The following CALN1 variants were observed in gnomAD, a reference collection of about 807,000 sequenced individuals.
The protein encoded by CALN1 is calcium-binding protein 8.
A neutral mutation model predicts 30.6 loss-of-function variants in CALN1; 17 were observed. The ratio of observed to expected loss-of-function variants is 0.56; its 90% CI spans 0.38 to 0.83. The LOEUF is 0.83. Among genes scored for constraint, CALN1 ranks in the 40% least tolerant of loss-of-function variants. CALN1 has a pLI of 0.00. For synonymous variants in CALN1, 156 were observed against 131.4 expected, an observed-to-expected ratio of 1.19 and a Z score of -1.28; for missense variants, 291 against 354.9, an observed-to-expected ratio of 0.82 and a Z score of 1.45.
intron 5 of CALN1, among the ~76,000 whole-genome samples, chr7:71,999,480 T>C (rs1799417305): frequency 6.6e-6 from 1 of 151,642 alleles, no homozygotes. Flanking sequence ...AGGATCTAGC[T>C]CATATACACA....
intron 2 of CALN1, among the ~76,000 whole-genome samples, chr7:72,343,695 T>C (rs1802485325): frequency 6.6e-6 from 1 of 152,162 alleles, no homozygotes. Context: ...ACAGGTTAAT[T>C]GAAGAAGAAG....
chr7:72,403,376 T>A lies in CALN1; in HGVS notation c.-7A>T. ...GTTGCTCTGGCAGCCGCATCGGGGG[T>A]CCAGGGCGATGTTCTCAGAGAGAGT... On this transcript the variant is annotated 5_prime_UTR_variant, in exon 2 of 7. Coordinates refer to ENST00000395275, the MANE Select transcript of CALN1 (RefSeq NM_031468.4). The A allele has an allele frequency of 6.5e-7, 1 of 1,540,926 alleles. No individual in the cohort carries two copies. Among genetic ancestry groups the A allele is most frequent in the South Asian group, 1.2e-5 (1 of 83,790 alleles).
intron 2 of CALN1, among the ~76,000 whole-genome samples, chr7:72,310,650 T>C (rs1010072193): frequency 6.6e-6 from 1 of 151,850 alleles, no homozygotes; most frequent in Admixed American, 6.6e-5. Context: ...ATGCCTATAA[T>C]CCCAGCACTT....
chr7:72,105,924 C>T (rs2129541252), intron 4 of CALN1, among the ~76,000 whole-genome samples: 1 of 151,972 alleles, frequency 6.6e-6, no homozygotes, highest in Middle Eastern at 3.4e-3. Context: ...GTTCCACCAG[C>T]CAGGCCTCTT....
At chr7:72,100,395 C>A (rs1038389553) in intron 4 of CALN1, among the ~76,000 whole-genome samples, 11 of 151,968 alleles carry the variant, frequency 7.2e-5, no homozygotes, top group Non-Finnish European at 1.3e-4. Flanking sequence ...TTGCCCAGAC[C>A]GGTCTTAAAT....
At chr7:71,881,479 T>C (rs966138066) in intron 5 of CALN1, among the ~76,000 whole-genome samples, 1 of 152,216 alleles carries the variant, frequency 6.6e-6, no homozygotes, top group Non-Finnish European at 1.5e-5. Flanking sequence ...CATTGTCCCA[T>C]CATCACTTCT....
chr7:72,153,428 C>G (rs1787406068), intron 3 of CALN1, among the ~76,000 whole-genome samples: 1 of 151,896 alleles, frequency 6.6e-6, no homozygotes, highest in Non-Finnish European at 1.5e-5. Context: ...CCTGTAATCC[C>G]AGCACTTTGG....
upstream of CALN1, among the ~76,000 whole-genome samples, chr7:72,413,276 G>GCA (rs888940517): frequency 1.4e-5 from 2 of 142,352 alleles, no homozygotes; most frequent in Non-Finnish European, 3.0e-5. Flanking sequence ...ACACACACAT[G>GCA]CACACACACA....
intron 2 of CALN1, among the ~76,000 whole-genome samples, chr7:72,317,671 A>C (rs1284802489): frequency 6.6e-6 from 1 of 152,170 alleles, no homozygotes; most frequent in Non-Finnish European, 1.5e-5. Flanking sequence ...AGTCCCCCCC[A>C]GACTCAGAAA....
chr7:72,336,866 G>A (rs1802092846), intron 2 of CALN1: 30 of 985,070 alleles, frequency 3.0e-5, no homozygotes, highest in Non-Finnish European at 3.5e-5. Context: ...CCGCGTCCCC[G>A]TGCCGGCATC....
intron 2 of CALN1, among the ~76,000 whole-genome samples, chr7:72,391,127 A>G (rs763510297): frequency 2.6e-5 from 4 of 152,138 alleles, no homozygotes; most frequent in Non-Finnish European, 5.9e-5. Context: ...AGGATGGAGT[A>G]AAACAAATTT....
intron 4 of CALN1, among the ~76,000 whole-genome samples, chr7:72,084,991 C>T (rs1805387459): frequency 6.6e-6 from 1 of 152,212 alleles, no homozygotes; most frequent in Non-Finnish European, 1.5e-5. Flanking sequence ...TCCAAGCTGT[C>T]TATACTACCT....
intron 1 of CALN1, among the ~76,000 whole-genome samples, chr7:72,431,236 T>G (rs565927537): frequency 5.3e-5 from 8 of 152,140 alleles, no homozygotes; most frequent in East Asian, 1.9e-4. Context: ...GGCACCAATC[T>G]ATTTTTCTCA....
At chr7:71,826,028 G>A (rs1382651096) in intron 5 of CALN1, among the ~76,000 whole-genome samples, 3 of 69,230 alleles carry the variant, frequency 4.3e-5, no homozygotes, top group African/African-American at 7.3e-5. Flanking sequence ...GCGAGACTCT[G>A]TCTCAAAAAA....
At chr7:71,885,144 A>T (rs1377105346) in intron 5 of CALN1, among the ~76,000 whole-genome samples, 3 of 151,994 alleles carry the variant, frequency 2.0e-5, no homozygotes, top group African/African-American at 4.8e-5. Flanking sequence ...GGACCAAACC[A>T]ATGTTATTTC....
At chr7:71,876,018 G>A (rs113216486) in intron 5 of CALN1, among the ~76,000 whole-genome samples, 5 of 152,088 alleles carry the variant, frequency 3.3e-5, no homozygotes, top group African/African-American at 1.2e-4. Context: ...AGAGGTTTGG[G>A]GCATTTGGCC....
the CALN1 span, among the ~76,000 whole-genome samples, chr7:72,480,448 G>A: frequency 1.3e-5 from 2 of 152,244 alleles, no homozygotes; most frequent in East Asian, 1.9e-4. Flanking sequence ...ATACTTGCGG[G>A]ATATTGGACT....
At chr7:72,286,397 G>A (rs1798082228) in intron 2 of CALN1, among the ~76,000 whole-genome samples, 2 of 152,196 alleles carry the variant, frequency 1.3e-5, no homozygotes, top group South Asian at 4.1e-4. Flanking sequence ...ACATGAAGAT[G>A]AGAAATTAGC....
At chr7:72,422,265 CATTT>C (rs1807637460) in intron 1 of CALN1, among the ~76,000 whole-genome samples, 5 of 152,212 alleles carry the variant, frequency 3.3e-5, no homozygotes, top group Non-Finnish European at 7.3e-5. Context: ...AGAAGTGTTT[CATTT>C]TCACCACATC....
Sources: allele counts gnomAD v4.1 joint callset (sites outside exome capture counted in the v4.1 genomes callset), GRCh38; gene constraint gnomAD v4.1.1; transcripts MANE v1.5; gene names NCBI Gene and HGNC (gene_info 2026-07-23, HGNC 2026-07-21).